ZNF486: variants seen among roughly 807,000 people sequenced by gnomAD.
The protein encoded by ZNF486 is KRAB box only protein 2.
ZNF486 carries 12 observed loss-of-function variants against 12.8 expected under a neutral mutation model. The observed-to-expected ratio is 0.94, with a 90% CI of 0.60 to 1.52. The LOEUF (loss-of-function observed/expected upper bound fraction) is 1.52. ZNF486 is among the 40% of genes most tolerant of loss of function. ZNF486 has a pLI of 0.00. For synonymous variants in ZNF486, 231 were observed against 184.9 expected, an observed-to-expected ratio of 1.25 and a Z score of -2.02; for missense variants, 738 against 545.0, an observed-to-expected ratio of 1.35 and a Z score of -3.53.
chr19:20,197,541 C>T lies in ZNF486; in HGVS notation c.831C>T (p.Tyr277=). Reference sequence around the variant, plus strand: ...AAGAATGTGGCAAAGCCTTTATGTACCCCTATACCCTTACTACACATAAGA... The same window carrying T: ...AAGAATGTGGCAAAGCCTTTATGTATCCCTATACCCTTACTACACATAAGA... The part of the protein sequence containing the change: ...ICEECGKAFM[Y]PYTLTTHKII... Residue 277 remains tyrosine (Y), a synonymous_variant, in exon 4 of 4, where the codon TAC becomes TAT. Coordinates refer to ENST00000335117, the MANE Select transcript of ZNF486 (RefSeq NM_052852.4). The T allele has an allele frequency of 6.2e-7, 1 of 1,610,546 alleles. No individual in the cohort carries two copies. Among genetic ancestry groups the T allele is most frequent in the Non-Finnish European group, 8.5e-7 (1 of 1,178,740 alleles).
At chr19:20,167,442 G>A (rs372887817) in intron 1 of ZNF486, 82 bp downstream of exon 1, 43 of 1,490,468 alleles carry the variant, frequency 2.9e-5, no homozygotes, top group African/African-American at 6.9e-5. Context: ...AGGCCTCCCC[G>A]TAGTCAGCTC....
At chr19:20,185,865 G>T (rs1599709615) in intron 2 of ZNF486, 122 bp from the exon 3 acceptor site, 2 of 477,174 alleles carry the variant, frequency 4.2e-6, no homozygotes, top group Non-Finnish European at 3.4e-6. Context: ...AATTTGTTAT[G>T]AATTAGTATT....
At chr19:20,191,747 G>A (rs1162908217) in intron 3 of ZNF486, among the ~76,000 whole-genome samples, 5 of 152,108 alleles carry the variant, frequency 3.3e-5, no homozygotes, top group African/African-American at 1.2e-4. Context: ...TCCAGCCTGG[G>A]CAAAAGAGCA....
intron 1 of ZNF486, among the ~76,000 whole-genome samples, chr19:20,182,315 T>C (rs187687297): frequency 5.9e-5 from 9 of 152,324 alleles, no homozygotes; most frequent in Admixed American, 5.2e-4. Context: ...TACCAAGTGA[T>C]TTATAAGCCC....
chr19:20,185,884 A>T, intron 2 of ZNF486, 103 bp from the exon 3 acceptor site: 2 of 577,280 alleles, frequency 3.5e-6, no homozygotes, highest in Non-Finnish European at 5.4e-6. Flanking sequence ...TTTTGGTATT[A>T]ATTTACTAGA....
intron 3 of ZNF486, among the ~76,000 whole-genome samples, 177 bp from the exon 4 acceptor site, chr19:20,196,787 T>C (rs1445170685): frequency 6.6e-6 from 1 of 152,152 alleles, no homozygotes; most frequent in African/African-American, 2.4e-5. Context: ...TTTTTACAAA[T>C]GTATTTTGGT....
intron 1 of ZNF486, among the ~76,000 whole-genome samples, chr19:20,167,625 G>A (rs1455458714): frequency 2.0e-5 from 3 of 152,202 alleles, no homozygotes; most frequent in Admixed American, 6.5e-5. Context: ...GCAGCTTCGG[G>A]TCTCTCCCAG....
At chr19:20,187,890 G>T (rs1341957663) in intron 3 of ZNF486, among the ~76,000 whole-genome samples, 2 of 152,142 alleles carry the variant, frequency 1.3e-5, no homozygotes, top group African/African-American at 2.4e-5. Context: ...TTGTAGTGGA[G>T]AGGGGGTGTA....
Position 20,198,367 on chromosome 19 carries a change from T to C in ZNF486, c.*265T>C. Reference sequence around the variant, plus strand: ...GTCTGCCTGCTTTGGCCTCCCAAAGTGTTGGGGTTACAGGCATGAGCCACT... The same window carrying C: ...GTCTGCCTGCTTTGGCCTCCCAAAGCGTTGGGGTTACAGGCATGAGCCACT... On this transcript the variant is annotated 3_prime_UTR_variant, in exon 4 of 4. Coordinates refer to ENST00000335117, the MANE Select transcript of ZNF486 (RefSeq NM_052852.4). 1 of 412,082 alleles carries C rather than the reference T, an allele frequency of 2.4e-6. No individual in the cohort carries two copies. Among genetic ancestry groups the C allele is most frequent in the South Asian group, 3.1e-5 (1 of 31,978 alleles). 25.5% of individuals were successfully genotyped at this position (412,082 alleles called of 1,614,324 possible). A position where few individuals can be genotyped will look rare whatever the true frequency, so the allele number is the denominator to read the frequency against.
chr19:20,171,459 C>T (rs931291486), intron 1 of ZNF486, among the ~76,000 whole-genome samples: 2 of 152,214 alleles, frequency 1.3e-5, no homozygotes, highest in Non-Finnish European at 2.9e-5. Flanking sequence ...ATTTTTGATC[C>T]TAGTGTTTCT....
intron 1 of ZNF486, among the ~76,000 whole-genome samples, chr19:20,181,661 G>T (rs111640828): frequency 0.03 from 4,538 of 152,216 alleles, 92 homozygotes; most frequent in Middle Eastern, 0.051. Flanking sequence ...TATTCTTGCA[G>T]ATCCAGTAGT....
At chr19:20,192,033 A>G (rs1167868928) in intron 3 of ZNF486, among the ~76,000 whole-genome samples, 1 of 152,200 alleles carries the variant, frequency 6.6e-6, no homozygotes, top group African/African-American at 2.4e-5. Context: ...TAAATAATAT[A>G]GTTACCGATT....
Position 20,190,042 on chromosome 19 carries a change from T to G in ZNF486, c.253+3960T>G, listed in dbSNP as rs542753790. On this transcript the variant is annotated intron_variant, in intron 3 of 3. Coordinates refer to ENST00000335117, the MANE Select transcript of ZNF486 (RefSeq NM_052852.4). Reference sequence around the variant, plus strand: ...TGTTGATATTCAGTTTTCAACATCATTTTTTGAAGATATTACTTTTCTCTA... The same window carrying G: ...TGTTGATATTCAGTTTTCAACATCAGTTTTTGAAGATATTACTTTTCTCTA... 9.2e-5 allele frequency among the ~76,000 whole-genome samples: 14 copies of G among 152,044 alleles called. No individual in the cohort carries two copies. The South Asian group carries it at 2.9e-3, about 32-fold the overall frequency.
intron 1 of ZNF486, among the ~76,000 whole-genome samples, chr19:20,177,745 T>C (rs12460675): frequency 0.016 from 2,408 of 152,230 alleles, 153 homozygotes; most frequent in East Asian, 0.14. Flanking sequence ...TGGTTAATTT[T>C]TGTATTTTTT....
rs782629095 is a variant in ZNF486, at chr19:20,197,940, ATG to A, written c.1233_1234del (p.Cys411TrpfsTer12). On this transcript the variant is annotated frameshift_variant, in exon 4 of 4. Transcript: ENST00000335117. LOFTEE classifies it low-confidence loss of function (END_TRUNC). The stretch of plus-strand genomic sequence containing the variant: ...GAGAGAAACCCTACAAATGTGAAGA[ATG>A]TGGCAAAGCGTATACTACATCCTCA... ...TGEKPYKCEE[C>X]GKAYTTSSNL... 8.1e-6 allele frequency: 13 copies of A among 1,613,876 alleles called. No individual in the cohort carries two copies. Among genetic ancestry groups the A allele is most frequent in the Non-Finnish European group, 1.1e-5 (13 of 1,179,810 alleles).
chr19:20,192,929 C>T (rs1231551917), intron 3 of ZNF486, among the ~76,000 whole-genome samples: 3 of 152,166 alleles, frequency 2.0e-5, no homozygotes, highest in Admixed American at 6.5e-5. Context: ...ATGAAGTTGT[C>T]ATTAGCAGTT....
Position 20,198,185 on chromosome 19 carries a change from T to C in ZNF486, c.*83T>C, listed in dbSNP as rs2089980636. On this transcript the variant is annotated 3_prime_UTR_variant, in exon 4 of 4. Coordinates refer to ENST00000335117, the MANE Select transcript of ZNF486 (RefSeq NM_052852.4). Reference sequence around the variant, plus strand: ...AGGCTGGAGTGCAATGGCATAATTTTGGCTCACCACAACCTCCACCTTCTG... The same window carrying C: ...AGGCTGGAGTGCAATGGCATAATTTCGGCTCACCACAACCTCCACCTTCTG... 7.7e-7 allele frequency: 1 copy of C among 1,295,254 alleles called. No individual in the cohort carries two copies. The highest frequency in any genetic ancestry group is 1.1e-6 in the Non-Finnish European group (1 of 952,290). 80.2% of individuals were successfully genotyped at this position (1,295,254 alleles called of 1,614,324 possible).
intron 1 of ZNF486, among the ~76,000 whole-genome samples, chr19:20,174,511 T>C (rs1304388732): frequency 1.3e-5 from 2 of 151,910 alleles, no homozygotes; most frequent in Non-Finnish European, 2.9e-5. Flanking sequence ...GCCTCAGCCT[T>C]CCGAGTAGCT....
chr19:20,177,718 G>A (rs559660592), intron 1 of ZNF486, among the ~76,000 whole-genome samples: 7 of 152,256 alleles, frequency 4.6e-5, no homozygotes, highest in African/African-American at 1.7e-4. Flanking sequence ...GGGATTGCAG[G>A]CATGTGCCAC....
Sources: gnomAD v4.1 joint callset for allele counts (sites outside exome capture counted in the v4.1 genomes callset) on GRCh38, gnomAD v4.1.1 for gene constraint, MANE v1.5 for transcripts, NCBI Gene and HGNC (gene_info 2026-07-23, HGNC 2026-07-21) for gene names.